Variants in RABGAP1L observed in about 807,000 individuals in gnomAD.
The protein encoded by RABGAP1L is rab GTPase-activating protein 1-like.
In RABGAP1L, 63 loss-of-function variants were observed where a neutral mutation model predicts 137.7. That is an observed-to-expected ratio of 0.46 (90% CI 0.37 to 0.56). RABGAP1L has a LOEUF of 0.56. Among genes scored for constraint, RABGAP1L ranks in the 20% least tolerant of loss-of-function variants. RABGAP1L has a pLI of 0.00. For missense variants in RABGAP1L, 1,095 were observed against 1,244.0 expected (o/e 0.88, Z 1.80); for synonymous variants, 431 against 433.7 (o/e 0.99, Z 0.08).
intron 10 of RABGAP1L, among the ~76,000 whole-genome samples, chr1:174,301,480 C>T (rs753855048): frequency 2.0e-5 from 3 of 151,588 alleles, no homozygotes; most frequent in Non-Finnish European, 2.9e-5. Context: ...GGCAGCTGCC[C>T]TCTGCCAGCA....
chr1:174,476,648 T>A (rs2149320491), intron 13 of RABGAP1L, among the ~76,000 whole-genome samples: 1 of 152,296 alleles, frequency 6.6e-6, no homozygotes, highest in South Asian at 2.1e-4. Flanking sequence ...ATTGCATACT[T>A]GATATTTGAG....
chr1:174,843,217 T>C (rs1238315481), intron 19 of RABGAP1L, among the ~76,000 whole-genome samples: 1 of 150,490 alleles, frequency 6.6e-6, no homozygotes, highest in East Asian at 2.0e-4. Flanking sequence ...CAAGAAAATG[T>C]CACAGTCTTT....
chr1:174,431,852 CAG>C (rs1156512667), intron 13 of RABGAP1L, among the ~76,000 whole-genome samples: 2 of 152,080 alleles, frequency 1.3e-5, no homozygotes, highest in African/African-American at 4.8e-5. Context: ...TTTAAGAAGA[CAG>C]AGGAATAGAT....
At chr1:174,494,158 GT>G in intron 13 of RABGAP1L, among the ~76,000 whole-genome samples, 1 of 152,148 alleles carries the variant, frequency 6.6e-6, no homozygotes, top group Non-Finnish European at 1.5e-5. Flanking sequence ...GTTTGGAAAG[GT>G]TTATGTAGAG....
chr1:174,455,148 T>C (rs751937614), intron 13 of RABGAP1L, among the ~76,000 whole-genome samples: 1 of 152,180 alleles, frequency 6.6e-6, no homozygotes, highest in Non-Finnish European at 1.5e-5. Context: ...ACCTTCATTA[T>C]AGTAAATGGA....
At chr1:174,925,959 G>A (rs938533427) in intron 19 of RABGAP1L, among the ~76,000 whole-genome samples, 8 of 144,814 alleles carry the variant, frequency 5.5e-5, no homozygotes, top group Admixed American at 4.2e-4. Context: ...CTCCTCCCAG[G>A]TTCAAGTGAT....
At chr1:174,469,950 GA>G (rs544913179) in intron 13 of RABGAP1L, among the ~76,000 whole-genome samples, 35 of 145,568 alleles carry the variant, frequency 2.4e-4, no homozygotes, top group East Asian at 6.0e-4. Flanking sequence ...CTGACTGGAG[GA>G]AAAAAAAAAA....
At chr1:174,279,364 A>T (rs1675290037) in intron 10 of RABGAP1L, among the ~76,000 whole-genome samples, 1 of 152,200 alleles carries the variant, frequency 6.6e-6, no homozygotes, top group Non-Finnish European at 1.5e-5. Flanking sequence ...ATGAAAAATA[A>T]CTTGAATGCT....
intron 15 of RABGAP1L, among the ~76,000 whole-genome samples, chr1:174,694,507 T>C (rs1337975405): frequency 1.3e-5 from 2 of 151,986 alleles, no homozygotes; most frequent in East Asian, 3.9e-4. Context: ...ATTTCATCCA[T>C]GTCCCTACAA....
chr1:174,490,218 G>C (rs565988393), intron 13 of RABGAP1L, among the ~76,000 whole-genome samples: 1 of 152,056 alleles, frequency 6.6e-6, no homozygotes, highest in Non-Finnish European at 1.5e-5. Context: ...TATTTGTAAC[G>C]GTCTTTCTTG....
chr1:174,244,262 A>G (rs914289515), intron 5 of RABGAP1L: 1 of 152,246 alleles, frequency 6.6e-6, no homozygotes, highest in African/African-American at 2.4e-5. Context: ...CTGTGCAGCA[A>G]TGCCACAAAT....
chr1:174,221,159 A>G lies in RABGAP1L; in HGVS notation c.326A>G (p.Asn109Ser). The G allele has an allele frequency of 5.7e-6, 9 of 1,588,400 alleles. No homozygotes were observed. The highest frequency in any genetic ancestry group is 6.9e-6 in the Non-Finnish European group (8 of 1,166,944). Reference protein sequence around the residue: ...PSLQLILDPSNTEISTPRPSS... With the variant: ...PSLQLILDPSSTEISTPRPSS... The stretch of plus-strand genomic sequence containing the variant: ...CTTCAGTTAATTTTGGATCCGTCTA[A>G]CACAGGTACTGTATTGAATTCTTAG... The change falls in exon 3 of 26, where the codon AAC becomes AGC. Residue 109 changes from asparagine (N) to serine (S), a missense_variant. By Grantham distance (46) the Asn-to-Ser change is conservative. Coordinates refer to ENST00000681986, the MANE Select transcript of RABGAP1L (RefSeq NM_001366446.1).
chr1:174,954,311 G>A (rs923618504), intron 19 of RABGAP1L: 6 of 152,064 alleles, frequency 3.9e-5, no homozygotes, highest in African/African-American at 1.4e-4. Context: ...GCAACATATT[G>A]TTCTGGGAAC....
At chr1:174,610,282 A>G (rs950798504) in intron 13 of RABGAP1L, among the ~76,000 whole-genome samples, 1 of 137,288 alleles carries the variant, frequency 7.3e-6, no homozygotes, top group Admixed American at 8.3e-5. Context: ...TTCAATTCCC[A>G]CCTATGAGTG....
At chr1:174,421,609 A>G (rs1231162141) in intron 13 of RABGAP1L, among the ~76,000 whole-genome samples, 1 of 152,128 alleles carries the variant, frequency 6.6e-6, no homozygotes, top group East Asian at 1.9e-4. Context: ...CTTTATTTGA[A>G]CATTCTCTAT....
At chr1:174,562,112 A>G (rs376526361) in intron 13 of RABGAP1L, among the ~76,000 whole-genome samples, 7 of 152,222 alleles carry the variant, frequency 4.6e-5, no homozygotes, top group East Asian at 3.8e-4. Flanking sequence ...TCCATCTGAC[A>G]AAGGGCTAAT....
intron 14 of RABGAP1L, among the ~76,000 whole-genome samples, chr1:174,671,406 GT>G (rs1304465030): frequency 2.0e-5 from 3 of 152,056 alleles, no homozygotes; most frequent in African/African-American, 7.2e-5. Context: ...TCTTGTTCCA[GT>G]TCAGCTTTTC....
At position 174,761,675 on chromosome 1, in the gene RABGAP1L, A is replaced by C. The variant is rs1008575278; in HGVS notation, c.2211+9321A>C. Among the ~76,000 whole-genome samples, 2 of 152,216 alleles carry C rather than the reference A, an allele frequency of 1.3e-5. No individual in the cohort carries two copies. Among genetic ancestry groups the C allele is most frequent in the Non-Finnish European group, 2.9e-5 (2 of 68,038 alleles). On this transcript the variant is annotated intron_variant, in intron 18 of 25. Coordinates refer to ENST00000681986, the MANE Select transcript of RABGAP1L (RefSeq NM_001366446.1). This position sits in a 1 kb window ranked among gnomAD's most constrained non-coding sequence, Gnocchi z 4.0. ...CAAGGGCCGAACAGAGGCATTCCTC[A>C]CTTCCCAGACGGTGGAAACTCCCGT...
chr1:174,507,768 C>T (rs1346452746), intron 13 of RABGAP1L, among the ~76,000 whole-genome samples: 1 of 151,986 alleles, frequency 6.6e-6, no homozygotes, highest in Non-Finnish European at 1.5e-5. Context: ...AACCCTAAAA[C>T]CTGATGGTAG....
Sources: gnomAD v4.1 joint callset for allele counts (sites outside exome capture counted in the v4.1 genomes callset) on GRCh38, gnomAD v4.1.1 for gene constraint, Gnocchi (gnomAD v3.1) non-coding constraint, MANE v1.5 for transcripts, NCBI Gene and HGNC (gene_info 2026-07-23, HGNC 2026-07-21) for gene names.